MACF1: variants seen among roughly 807,000 people sequenced by gnomAD.
MACF1 encodes the protein microtubule actin crosslinking factor 1, also known as microtubule-actin cross-linking factor 1.
In MACF1, 193 loss-of-function variants were observed where a neutral mutation model predicts 854.8. That is an observed-to-expected ratio of 0.23 (90% CI 0.20 to 0.25). MACF1 has a LOEUF of 0.25. MACF1 is among the 10% of genes least tolerant of loss of function. The pLI is 1.00. For synonymous variants in MACF1, 3,185 were observed against 3,226.7 expected (o/e 0.99, Z 0.44); for missense variants, 7,722 against 8,929.1 (o/e 0.86, Z 5.45).
Position 39,357,379 on chromosome 1 carries a change from G to T in MACF1, c.11429G>T (p.Arg3810Leu). 6.2e-7 allele frequency: 1 copy of T among 1,610,242 alleles called. No individual in the cohort carries two copies. The highest frequency in any genetic ancestry group is 8.5e-7 in the Non-Finnish European group (1 of 1,178,452). Residue 3810 changes from arginine to leucine, a missense_variant, in exon 45 of 101, where the codon CGT (arginine) becomes CTT (leucine). Transcript: ENST00000564288. ...LDKQCEMMKA[R>L]HQELLSQQQN... ...GGGGGGATTTTTTTTTACCAGGCCCGTCACCAAGAATTGCTGTCCCAGCAG... is the reference window on the plus strand; with the variant it reads ...GGGGGGATTTTTTTTTACCAGGCCCTTCACCAAGAATTGCTGTCCCAGCAG...
intron 40 of MACF1, among the ~76,000 whole-genome samples, chr1:39,346,680 T>C (rs1455358610): frequency 6.6e-6 from 1 of 151,910 alleles, no homozygotes; most frequent in East Asian, 2.0e-4. Flanking sequence ...CCACTACGCC[T>C]GGCTAATTTT....
chr1:39,153,151 C>T (rs1437228443), intron 2 of MACF1, among the ~76,000 whole-genome samples: 1 of 152,176 alleles, frequency 6.6e-6, no homozygotes, highest in Non-Finnish European at 1.5e-5. Flanking sequence ...AAATCAATTT[C>T]CTACCCTTCC....
intron 2 of MACF1, among the ~76,000 whole-genome samples, chr1:39,186,568 A>G (rs1438885943): frequency 6.6e-6 from 1 of 151,860 alleles, no homozygotes; most frequent in Non-Finnish European, 1.5e-5. Context: ...AAAAGGTTAA[A>G]ATATTACTAT....
At chr1:39,442,590 C>T (rs766638641) in intron 77 of MACF1, 23 bp downstream of exon 77, 1 of 1,613,568 alleles carries the variant, frequency 6.2e-7, no homozygotes, top group East Asian at 2.2e-5. Context: ...ATTTTTTCAT[C>T]TCTAACCCTA....
intron 58 of MACF1, among the ~76,000 whole-genome samples, chr1:39,402,791 T>C (rs1642528212): frequency 6.6e-6 from 1 of 152,216 alleles, no homozygotes; most frequent in African/African-American, 2.4e-5. Context: ...TTCCCCTCTT[T>C]CATTGTACAG....
chr1:39,185,368 G>T (rs1218907765), intron 2 of MACF1, among the ~76,000 whole-genome samples: 1 of 152,018 alleles, frequency 6.6e-6, no homozygotes, highest in Non-Finnish European at 1.5e-5. Flanking sequence ...GCTCACACCT[G>T]TAGTTCTAGC....
At chr1:39,292,616 G>T in intron 16 of MACF1, 150 bp from the exon 17 acceptor site, 1 of 604,178 alleles carries the variant, frequency 1.7e-6, no homozygotes, top group South Asian at 2.1e-5. Context: ...TATAAAATAT[G>T]ACTCAGAAAT....
intron 44 of MACF1, among the ~76,000 whole-genome samples, chr1:39,354,843 A>G (rs998344556): frequency 6.6e-6 from 1 of 152,212 alleles, no homozygotes; most frequent in Non-Finnish European, 1.5e-5. Flanking sequence ...AGCAGAAGTC[A>G]CTTCTTACTG....
At position 39,084,441 on chromosome 1, in the gene MACF1, A is replaced by G. The variant is rs1313735702; in HGVS notation, c.220+3A>G. 6.2e-7 allele frequency: 1 copy of G among 1,605,660 alleles called. No homozygotes were observed. The highest frequency in any genetic ancestry group is 1.7e-5 in the Admixed American group (1 of 59,786). ...GCGTGCTGTGGTCAGAGTCGCTGGT[A>G]AGAGAGGTCCCCCAGCAGGCTGGAC... On this transcript the variant is annotated splice_donor_region_variant and intron_variant, in intron 2 of 93. Transcript: ENST00000361689. The surrounding 1 kb of genome is among the most constrained non-coding windows in gnomAD (Gnocchi z 5.2).
intron 28 of MACF1, among the ~76,000 whole-genome samples, 156 bp from the exon 29 acceptor site, chr1:39,317,058 T>A (rs554123192): frequency 2.2e-4 from 34 of 152,232 alleles, no homozygotes; most frequent in Non-Finnish European, 3.1e-4. Context: ...GCAGAGACCA[T>A]GACATGTGGA....
chr1:39,354,396 TTTTATTTA>T (rs976482107), intron 44 of MACF1, among the ~76,000 whole-genome samples: 1 of 152,082 alleles, frequency 6.6e-6, no homozygotes, highest in African/African-American at 2.4e-5. Context: ...CTTTCTTTTC[TTTTATTTA>T]TTTATTTATT....
chr1:39,477,115 A>G (rs1557675170), intron 97 of MACF1, among the ~76,000 whole-genome samples: 1 of 63,776 alleles, frequency 1.6e-5, no homozygotes. Context: ...ATATACACTT[A>G]GTGTATATAT....
intron 67 of MACF1, 121 bp from the exon 68 acceptor site, chr1:39,432,927 C>CA (rs1281845805): frequency 6.2e-6 from 4 of 641,694 alleles, no homozygotes; most frequent in Non-Finnish European, 1.0e-5. Flanking sequence ...GTTGGATAGG[C>CA]AAAGTGTCAA....
At chr1:39,136,275 A>G (rs781168416) in intron 2 of MACF1, among the ~76,000 whole-genome samples, 5 of 152,182 alleles carry the variant, frequency 3.3e-5, no homozygotes, top group African/African-American at 4.8e-5. Context: ...ATGTCTACCA[A>G]AATTCTGAAG....
chr1:39,445,349 C>T (rs1294525796), intron 80 of MACF1, among the ~76,000 whole-genome samples: 1 of 152,056 alleles, frequency 6.6e-6, no homozygotes, highest in Non-Finnish European at 1.5e-5. Flanking sequence ...AGGTGTTTGC[C>T]CAAAAAGATT....
intron 15 of MACF1, among the ~76,000 whole-genome samples, chr1:39,289,933 C>T (rs1645741456): frequency 6.6e-6 from 1 of 151,942 alleles, no homozygotes; most frequent in Admixed American, 6.6e-5. Context: ...CTCCTGACCT[C>T]AGGTGATCCA....
chr1:39,404,149 G>GTAAGTAAGTAAATAAA lies in MACF1; in HGVS notation c.15816+15494_15816+15495insGTAAGTAAATAAATAA, dbSNP rs565389591. Among the ~76,000 whole-genome samples the GTAAGTAAGTAAATAAA allele has an allele frequency of 4.1e-3, 608 of 148,526 alleles. 3 individuals carry two copies. Among genetic ancestry groups the GTAAGTAAGTAAATAAA allele is most frequent in the African/African-American group, 0.014 (565 of 39,996 alleles). ...CTCAAAAAAATAAATAAATAAGTAA[G>GTAAGTAAGTAAATAAA]TAAATAAATAAATAAATAAATAAAT... On this transcript the variant is annotated intron_variant, in intron 58 of 100. Coordinates refer to ENST00000564288, the MANE Select transcript of MACF1 (RefSeq NM_001394062.1).
chr1:39,107,500 C>T (rs983874137), intron 2 of MACF1, among the ~76,000 whole-genome samples: 1 of 150,770 alleles, frequency 6.6e-6, no homozygotes, highest in Non-Finnish European at 1.5e-5. Context: ...GTCGTGCAGT[C>T]TGCTCTTCTG....
At chr1:39,095,066 C>G (rs1641903057) in intron 2 of MACF1, among the ~76,000 whole-genome samples, 1 of 152,176 alleles carries the variant, frequency 6.6e-6, no homozygotes, top group African/African-American at 2.4e-5. Context: ...TTAGGCCTTT[C>G]ATGGAGACTT....
Sources: allele counts gnomAD v4.1 joint callset (sites outside exome capture counted in the v4.1 genomes callset), GRCh38; gene constraint gnomAD v4.1.1; non-coding constraint Gnocchi (gnomAD v3.1); transcripts MANE v1.5; gene names NCBI Gene and HGNC (gene_info 2026-07-23, HGNC 2026-07-21).